SMG7: variants seen among roughly 807,000 people sequenced by gnomAD.
SMG7 encodes nonsense-mediated mRNA decay factor SMG7.
In SMG7, 34 loss-of-function variants were observed where a neutral mutation model predicts 148.2. The ratio of observed to expected loss-of-function variants is 0.23; its 90% CI spans 0.17 to 0.31. SMG7 has a LOEUF of 0.31. SMG7 is among the 10% of genes least tolerant of loss of function. The pLI is 1.00. For missense variants in SMG7, 1,114 were observed against 1,408.4 expected (o/e 0.79, Z 3.35); for synonymous variants, 492 against 515.1 (o/e 0.96, Z 0.61).
At chr1:183,510,572 A>G (rs1661896302) in intron 1 of SMG7, among the ~76,000 whole-genome samples, 1 of 152,180 alleles carries the variant, frequency 6.6e-6, no homozygotes, top group Non-Finnish European at 1.5e-5. Flanking sequence ...TTACCTCCTT[A>G]GCACTACATT....
intron 1 of SMG7, among the ~76,000 whole-genome samples, chr1:183,481,858 GCT>G (rs547239201): frequency 7.1e-4 from 107 of 150,760 alleles, no homozygotes; most frequent in African/African-American, 2.5e-3. Flanking sequence ...ACAGGATTTC[GCT>G]CTGTTGCCCA....
chr1:183,551,231 G>A, intron 22 of SMG7, 41 bp downstream of exon 22: 1 of 1,529,768 alleles, frequency 6.5e-7, no homozygotes, highest in East Asian at 2.3e-5. Context: ...GATTATTACA[G>A]CAAAGGTGTC....
At chr1:183,516,640 G>C (rs1035124462) in intron 3 of SMG7, among the ~76,000 whole-genome samples, 1 of 152,180 alleles carries the variant, frequency 6.6e-6, no homozygotes. Context: ...TCAATTAAGA[G>C]TACTTTGTCT....
At chr1:183,542,543 C>A in intron 14 of SMG7, 41 bp downstream of exon 14, 1 of 1,528,196 alleles carries the variant, frequency 6.5e-7, no homozygotes, top group Non-Finnish European at 8.9e-7. Context: ...GAGGAAGGCT[C>A]ACACAAAAGG....
chr1:183,545,861 T>C, intron 16 of SMG7, 105 bp from the exon 17 acceptor site: 2 of 1,350,696 alleles, frequency 1.5e-6, no homozygotes, highest in Non-Finnish European at 2.0e-6. Flanking sequence ...GCCTAGAGTT[T>C]TGTTGGTTGG....
At chr1:183,490,767 A>G (rs186272698) in intron 1 of SMG7, among the ~76,000 whole-genome samples, 2 of 152,236 alleles carry the variant, frequency 1.3e-5, no homozygotes, top group East Asian at 1.9e-4. Context: ...GAACATTTCA[A>G]ATCCCCCCAA....
At chr1:183,506,670 C>T (rs538082741) in intron 1 of SMG7, among the ~76,000 whole-genome samples, 33 of 146,174 alleles carry the variant, frequency 2.3e-4, no homozygotes, top group African/African-American at 7.1e-4. Context: ...AAAAAAAACA[C>T]GAAAAAACTC....
At chr1:183,512,293 A>G (rs1314946404) in intron 1 of SMG7, among the ~76,000 whole-genome samples, 1 of 152,168 alleles carries the variant, frequency 6.6e-6, no homozygotes, top group African/African-American at 2.4e-5. Context: ...GAGGTGCAAT[A>G]CCTCTAGTGT....
intron 1 of SMG7, among the ~76,000 whole-genome samples, chr1:183,502,672 C>G (rs1268854522): frequency 6.6e-6 from 1 of 152,046 alleles, no homozygotes; most frequent in African/African-American, 2.4e-5. Context: ...TATATGAGGT[C>G]TCTGAATATT....
chr1:183,545,390 A>C (rs1188502759), intron 16 of SMG7, 78 bp downstream of exon 16: 3 of 1,480,490 alleles, frequency 2.0e-6, no homozygotes, highest in Non-Finnish European at 9.1e-7. Context: ...AGAAATGCTC[A>C]TTAAACTTTG....
At chr1:183,515,498 C>T (rs1303089475) in intron 2 of SMG7, among the ~76,000 whole-genome samples, 1 of 151,718 alleles carries the variant, frequency 6.6e-6, no homozygotes, top group Non-Finnish European at 1.5e-5. Flanking sequence ...GTAAACAGAC[C>T]AACTTGACAG....
chr1:183,515,002 A>T (rs1663146247), intron 2 of SMG7, among the ~76,000 whole-genome samples: 1 of 152,216 alleles, frequency 6.6e-6, no homozygotes, highest in Non-Finnish European at 1.5e-5. Flanking sequence ...GGAAATATAT[A>T]ATTGAAAAGC....
At position 183,538,254 on chromosome 1, in the gene SMG7, G is replaced by A. The variant is rs1010535030; in HGVS notation, c.1235-126G>A. 19 of 663,276 alleles carry A rather than the reference G, an allele frequency of 2.9e-5. No individual in the cohort carries two copies. The Admixed American group carries it at 4.4e-4, about 15-fold the overall frequency. The allele number at this position is 663,276 out of a possible 1,614,324, so 41.1% of individuals were successfully genotyped here. ...TTTTCATCAGGATCATGATAAAGAA[G>A]AGCAGAGAACAATAAGCATTATAAT... On this transcript the variant is annotated intron_variant, in intron 11 of 22. Coordinates refer to ENST00000688051, the MANE Select transcript of SMG7 (RefSeq NM_001375584.1).
chr1:183,536,600 G>T (rs1393689368), intron 10 of SMG7, among the ~76,000 whole-genome samples: 1 of 152,072 alleles, frequency 6.6e-6, no homozygotes, highest in African/African-American at 2.4e-5. Flanking sequence ...TCATGTGTAA[G>T]CTTTCACAAA....
chr1:183,517,907 C>A, intron 4 of SMG7, 87 bp downstream of exon 4: 2 of 1,321,220 alleles, frequency 1.5e-6, no homozygotes, highest in Non-Finnish European at 2.2e-6. Context: ...GTAAACAATT[C>A]TTGTAACCAC....
intron 12 of SMG7, 80 bp from the exon 13 acceptor site, chr1:183,540,904 A>G: frequency 7.3e-7 from 1 of 1,369,444 alleles, no homozygotes; most frequent in Non-Finnish European, 1.0e-6. Flanking sequence ...AAGCCATTAC[A>G]GTTAATCAGG....
intron 12 of SMG7, among the ~76,000 whole-genome samples, chr1:183,539,614 A>G (rs1317980241): frequency 3.3e-5 from 5 of 152,174 alleles, no homozygotes; most frequent in African/African-American, 9.6e-5. Context: ...CCAAAAACTG[A>G]GCTTATATTT....
At chr1:183,526,837 T>C (rs1298655118) in intron 5 of SMG7, 70 bp downstream of exon 5, 31 of 1,340,162 alleles carry the variant, frequency 2.3e-5, no homozygotes, top group African/African-American at 4.4e-5. Flanking sequence ...AGAAAGAAAC[T>C]GTTTTCCTTT....
At chr1:183,493,266 C>T (rs762106055) in intron 1 of SMG7, among the ~76,000 whole-genome samples, 85 of 152,322 alleles carry the variant, frequency 5.6e-4, no homozygotes, top group South Asian at 3.7e-3. Context: ...TGAGCCACTA[C>T]ACCCGGCAAC....
Sources: gnomAD v4.1 joint callset for allele counts (sites outside exome capture counted in the v4.1 genomes callset) on GRCh38, gnomAD v4.1.1 for gene constraint, MANE v1.5 for transcripts, NCBI Gene and HGNC (gene_info 2026-07-23, HGNC 2026-07-21) for gene names.